The following ADGRV1 variants were observed in gnomAD, a reference collection of about 807,000 sequenced individuals.
ADGRV1 encodes the protein G-protein coupled receptor 98.
ADGRV1 carries 359 observed loss-of-function variants against 596.2 expected under a neutral mutation model. The ratio of observed to expected loss-of-function variants is 0.60; its 90% CI spans 0.55 to 0.66. The LOEUF is 0.66. Ranked by LOEUF, ADGRV1 falls within the 30% of genes least tolerant of loss-of-function variation. The pLI is 0.00. For missense variants in ADGRV1, 7,274 were observed against 7,575.6 expected (o/e 0.96, Z 1.48); for synonymous variants, 2,681 against 2,679.2 (o/e 1.00, Z -0.02).
At chr5:90,995,976 A>T (rs1781381198) in intron 85 of ADGRV1, among the ~76,000 whole-genome samples, 1 of 152,210 alleles carries the variant, frequency 6.6e-6, no homozygotes, top group South Asian at 2.1e-4. Flanking sequence ...CTGCTTCTAA[A>T]AGCCTATGCT....
rs561320917 is a variant in ADGRV1 at position 91,056,434 on chromosome 5, C to T, written c.18153-16013C>T. ...TTGTCCTATAAAATCCACTTTTCAT[C>T]GCGCATCACAATCCGATTGAGAAAT... On this transcript the variant is annotated intron_variant, in intron 85 of 89. Coordinates refer to ENST00000405460, the MANE Select transcript of ADGRV1 (RefSeq NM_032119.4). Among the ~76,000 whole-genome samples the T allele has an allele frequency of 1.1e-4, 16 of 152,166 alleles. No homozygotes were observed. The South Asian group carries it at 2.3e-3, about 22-fold the overall frequency.
Position 90,753,727 on chromosome 5 carries a change from G to T in ADGRV1, c.11275G>T (p.Asp3759Tyr). Residue 3759 changes from aspartate to tyrosine, a missense_variant, in exon 54 of 90, where the codon GAC (aspartate) becomes TAC (tyrosine). This residue lies in a region of ADGRV1 where 3,643 missense variants were observed against 3,809.2 expected (regional missense o/e 0.96). Transcript: ENST00000405460. ...ATACAAAGGTGCTACTATTGATCAGGACAGAAGCAAGTCTGTTATAACAAC... is the reference window on the plus strand; with the variant it reads ...ATACAAAGGTGCTACTATTGATCAGTACAGAAGCAAGTCTGTTATAACAAC... The part of the protein sequence containing the change: ...DSYKGATIDQ[D>Y]RSKSVITTLP... 1 of 1,613,594 alleles carries T rather than the reference G, an allele frequency of 6.2e-7. No individual in the cohort carries two copies. Among genetic ancestry groups the T allele is most frequent in the South Asian group, 1.1e-5 (1 of 91,058 alleles).
At chr5:91,061,634 A>G (rs1177403154) in intron 85 of ADGRV1, among the ~76,000 whole-genome samples, 2 of 152,232 alleles carry the variant, frequency 1.3e-5, no homozygotes, top group Non-Finnish European at 2.9e-5. Flanking sequence ...ATATTGCTGT[A>G]ATGTGTCCAT....
intron 52 of ADGRV1, 94 bp downstream of exon 52, chr5:90,745,889 T>C: frequency 1.4e-6 from 1 of 721,296 alleles, no homozygotes; most frequent in Non-Finnish European, 2.3e-6. Flanking sequence ...AAGTCATAGT[T>C]TGAGTGTCAT....
At chr5:90,990,543 C>G (rs973087563) in intron 85 of ADGRV1, among the ~76,000 whole-genome samples, 19 of 152,180 alleles carry the variant, frequency 1.2e-4, no homozygotes, top group African/African-American at 4.6e-4. Context: ...TGACAGGAGG[C>G]AGACCTTAAG....
intron 84 of ADGRV1, among the ~76,000 whole-genome samples, chr5:90,979,247 C>A (rs1779889367): frequency 6.6e-6 from 1 of 151,704 alleles, no homozygotes; most frequent in Non-Finnish European, 1.5e-5. Flanking sequence ...CGGCTCACTG[C>A]AACCTCCGCC....
At chr5:90,731,263 C>T (rs752131744) in intron 50 of ADGRV1, among the ~76,000 whole-genome samples, 18 of 152,072 alleles carry the variant, frequency 1.2e-4, no homozygotes, top group South Asian at 4.2e-4. Flanking sequence ...AAAGAGAGCG[C>T]GAAGGGGGAA....
intron 42 of ADGRV1, among the ~76,000 whole-genome samples, chr5:90,715,406 C>T (rs553778135): frequency 6.6e-6 from 1 of 152,254 alleles, no homozygotes; most frequent in South Asian, 2.1e-4. Context: ...GAGAGTTGCT[C>T]TTGGGTGTTA....
intron 21 of ADGRV1, among the ~76,000 whole-genome samples, chr5:90,659,827 T>A (rs553172442): frequency 2.0e-5 from 3 of 152,058 alleles, no homozygotes; most frequent in African/African-American, 7.2e-5. Context: ...GGTCAGAAGA[T>A]CGAGACCATC....
rs374773741 is a variant in ADGRV1 at position 90,849,402 on chromosome 5, T to A, written c.17204+581T>A. 2.1e-4 allele frequency among the ~76,000 whole-genome samples: 32 copies of A among 152,236 alleles called. 1 individual carries two copies. In the East Asian group the frequency reaches 2.7e-3, roughly 13 times the overall value. On this transcript the variant is annotated intron_variant, in intron 79 of 89. Coordinates refer to ENST00000405460, the MANE Select transcript of ADGRV1 (RefSeq NM_032119.4). ...ACCTCTATATTAACTATATATATAT[T>A]TTTTTAGATGGAGTTTCGCTCTTGT...
intron 1 of ADGRV1, among the ~76,000 whole-genome samples, chr5:90,602,547 C>T (rs1345039296): frequency 2.6e-5 from 4 of 152,174 alleles, no homozygotes; most frequent in Non-Finnish European, 5.9e-5. Flanking sequence ...AGTTATCAGA[C>T]AAATCCCAGC....
chr5:90,677,391 A>G (rs989666323), intron 25 of ADGRV1, among the ~76,000 whole-genome samples: 1 of 152,174 alleles, frequency 6.6e-6, no homozygotes, highest in Non-Finnish European at 1.5e-5. Flanking sequence ...AACAGTAGAA[A>G]TGTGCTGTCT....
chr5:90,825,096 C>T (rs1763960991), intron 76 of ADGRV1, among the ~76,000 whole-genome samples: 1 of 152,058 alleles, frequency 6.6e-6, no homozygotes, highest in African/African-American at 2.4e-5. Context: ...ACCACCATGC[C>T]CAACTAATTT....
In ADGRV1 at chr5:90,614,951, A is replaced by T. The variant is rs1763178273; in HGVS notation, c.139A>T (p.Ser47Cys). 6.3e-7 allele frequency: 1 copy of T among 1,586,460 alleles called. No homozygotes were observed. The highest frequency in any genetic ancestry group is 8.6e-7 in the Non-Finnish European group (1 of 1,163,484). Residue 47 changes from serine (S) to cysteine (C), a missense_variant, in exon 2 of 90, where the codon AGT becomes TGT. Transcript: ENST00000405460. ...AACTGAATTTGTTGTTAATGAAACA[A>T]GTACAACAGTTATTCGTCTTATCAT... ...GQTEFVVNET[S>C]TTVIRLIIER...
At chr5:90,718,854 C>G (rs963055239) in intron 43 of ADGRV1, among the ~76,000 whole-genome samples, 3 of 150,222 alleles carry the variant, frequency 2.0e-5, no homozygotes, top group Admixed American at 2.0e-4. Context: ...ATATACTTTT[C>G]TTTTTATTAG....
intron 85 of ADGRV1, among the ~76,000 whole-genome samples, chr5:91,023,451 T>C (rs945849470): frequency 6.6e-6 from 1 of 152,128 alleles, no homozygotes; most frequent in African/African-American, 2.4e-5. Context: ...GATAAAGTTG[T>C]TGCTGTATAT....
intron 4 of ADGRV1, among the ~76,000 whole-genome samples, chr5:90,620,611 A>G (rs1468772935): frequency 1.3e-5 from 2 of 151,918 alleles, no homozygotes; most frequent in African/African-American, 4.8e-5. Flanking sequence ...ATTAGATCCC[A>G]TTTGTCAATT....
Position 90,643,005 on chromosome 5 carries a change from G to C in ADGRV1, c.2517G>C (p.Val839=), listed in dbSNP as rs1194091346. 2 of 1,613,516 alleles carry C rather than the reference G, an allele frequency of 1.2e-6. No individual in the cohort carries two copies. Among genetic ancestry groups the C allele is most frequent in the East Asian group, 2.2e-5 (1 of 44,862 alleles). Residue 839 remains valine, a synonymous_variant, in exon 13 of 90, where the codon GTG becomes GTC. Coordinates refer to ENST00000405460, the MANE Select transcript of ADGRV1 (RefSeq NM_032119.4). ...TTAAACCTGGAGAAAGGGAGATAGT[G>C]ATCACCTTGCTAGCAAGATTGGATG... ...LEFKPGEREI[V]ITLLARLDGI... is the part of the protein sequence containing the mutation.
chr5:90,824,310 T>C (rs566238627), intron 76 of ADGRV1, among the ~76,000 whole-genome samples: 2 of 152,336 alleles, frequency 1.3e-5, no homozygotes, highest in South Asian at 2.1e-4. Context: ...TCTAGAGCTG[T>C]CTTGATTTTT....
Sources: allele counts gnomAD v4.1 joint callset (sites outside exome capture counted in the v4.1 genomes callset), GRCh38; gene constraint gnomAD v4.1.1; regional missense constraint gnomAD v4.1.1; transcripts MANE v1.5; gene names NCBI Gene and HGNC (gene_info 2026-07-23, HGNC 2026-07-21).